The following GSTA2 variants were observed in gnomAD, a reference collection of about 807,000 sequenced individuals.
GSTA2 encodes the protein glutathione S-transferase A2.
A neutral mutation model predicts 22.4 loss-of-function variants in GSTA2; 27 were observed. The ratio of observed to expected loss-of-function variants is 1.21; its 90% CI spans 0.89 to 1.67. The LOEUF (loss-of-function observed/expected upper bound fraction) is 1.67. Ranked by LOEUF, GSTA2 falls within the 40% of genes most tolerant of loss-of-function variation. The pLI is 0.00. For synonymous variants in GSTA2, 121 were observed against 86.8 expected (o/e 1.39, Z -2.19); for missense variants, 302 against 260.2 (o/e 1.16, Z -1.11).
At position 52,755,058 on chromosome 6, in the gene GSTA2, G is replaced by A; in HGVS notation, c.157C>T (p.Gln53Ter). ...TCAATCTCAACCATTGGCACTTGCT[G>A]GAACATCAAATATCCATCTTTAAGA... ...KLRNDGYLMF[Q>*]QVPMVEIDGM... The change falls in exon 4 of 7, where the codon CAG (glutamine) becomes TAG (stop). Residue 53 changes from glutamine to a stop codon, truncating the protein, a stop_gained. Transcript: ENST00000493422. LOFTEE classifies it high-confidence loss of function. 1.2e-6 allele frequency: 2 copies of A among 1,613,968 alleles called. No homozygotes were observed. Among genetic ancestry groups the A allele is most frequent in the South Asian group, 1.1e-5 (1 of 91,060 alleles).
Position 52,757,700 on chromosome 6 carries a change from A to G in GSTA2, c.87+161T>C, listed in dbSNP as rs181424409. ...ATGCTTTTAGAGGAGAAGAAATTTTAAGAATTAATAGGTCAAATCTGTTCA... is the reference window on the plus strand; with the variant it reads ...ATGCTTTTAGAGGAGAAGAAATTTTGAGAATTAATAGGTCAAATCTGTTCA... On this transcript the variant is annotated intron_variant, in intron 2 of 6. Coordinates refer to ENST00000493422, the MANE Select transcript of GSTA2 (RefSeq NM_000846.5). Among the ~76,000 whole-genome samples the G allele has an allele frequency of 9.1e-3, 1,389 of 152,348 alleles. 13 individuals carry two copies. The highest frequency in any genetic ancestry group is 0.017 in the Middle Eastern group (5 of 294).
intron 1 of GSTA2, among the ~76,000 whole-genome samples, chr6:52,762,123 C>T (rs1223619419): frequency 2.0e-5 from 3 of 148,666 alleles, no homozygotes; most frequent in Admixed American, 1.3e-4. Context: ...CAAAACACTG[C>T]GGAAGGCCGC....
rs1224489847 is a variant in GSTA2, at chr6:52,752,956, T to C, written c.312A>G (p.Glu104=). 6.2e-7 allele frequency: 1 copy of C among 1,613,714 alleles called. No homozygotes were observed. The highest frequency in any genetic ancestry group is 1.7e-5 in the Admixed American group (1 of 60,014). ...MYIEGIADLG[E]MILLLPFSQP... is the part of the protein sequence containing the mutation. The stretch of plus-strand genomic sequence containing the variant: ...GACTAAAGGGCAGAAGAAGGATCAT[T>C]TCACCCAAATCTGCTATACCTTCTA... The change falls in exon 5 of 7, where the codon GAA becomes GAG. Residue 104 remains glutamate (E), a synonymous_variant. Transcript: ENST00000493422.
At chr6:52,754,876 C>T (rs1412749332) in intron 4 of GSTA2, 67 bp downstream of exon 4, 5 of 1,604,750 alleles carry the variant, frequency 3.1e-6, no homozygotes, top group East Asian at 4.5e-5. Context: ...ATGGTCCCAC[C>T]CACTCAAGGA....
intron 6 of GSTA2, 106 bp downstream of exon 6, chr6:52,751,471 C>T (rs1288111109): frequency 6.3e-7 from 1 of 1,596,126 alleles, no homozygotes; most frequent in Non-Finnish European, 8.6e-7. Context: ...GCACCAAAGG[C>T]CTGGAGAAGG....
chr6:52,763,066 T>C (rs905531754), intron 1 of GSTA2, among the ~76,000 whole-genome samples: 3 of 152,210 alleles, frequency 2.0e-5, no homozygotes, highest in Non-Finnish European at 4.4e-5. Context: ...AGAATTACAG[T>C]GTCACAATTT....
rs528106754 is a variant in GSTA2 at position 52,760,893 on chromosome 6, A to T, written c.-31+2551T>A. On this transcript the variant is annotated intron_variant, in intron 1 of 6. Transcript: ENST00000493422. ...ACTAGTGTAATTACTTTACATCAAT[A>T]ATTAATTTACATCAATTAAAAAATG... Among the ~76,000 whole-genome samples the T allele has an allele frequency of 4.6e-5, 7 of 152,274 alleles. No individual in the cohort carries two copies. The East Asian group carries it at 1.3e-3, about 29-fold the overall frequency.
At chr6:52,760,167 CTTGT>C (rs777456890) in intron 1 of GSTA2, among the ~76,000 whole-genome samples, 1 of 152,160 alleles carries the variant, frequency 6.6e-6, no homozygotes, top group Non-Finnish European at 1.5e-5. Context: ...GTAGGGTGTG[CTTGT>C]TTAATTGTTA....
chr6:52,759,588 T>G (rs1287129446), intron 1 of GSTA2, among the ~76,000 whole-genome samples: 1 of 127,932 alleles, frequency 7.8e-6, no homozygotes, highest in African/African-American at 3.2e-5. Flanking sequence ...TTTTTTTTTT[T>G]TTTTTTTTTT....
At chr6:52,758,537 A>C (rs1216424526) in intron 1 of GSTA2, among the ~76,000 whole-genome samples, 5 of 152,176 alleles carry the variant, frequency 3.3e-5, no homozygotes, top group African/African-American at 1.2e-4. Flanking sequence ...GAACCCATGA[A>C]CTGGCCATGA....
chr6:52,751,456 T>G (rs1324073777), intron 6 of GSTA2, 121 bp downstream of exon 6: 3 of 1,585,768 alleles, frequency 1.9e-6, no homozygotes, highest in Middle Eastern at 1.7e-4. Flanking sequence ...TTTGGAGACC[T>G]TGGGGCACCA....
At chr6:52,762,931 C>T (rs1417576301) in intron 1 of GSTA2, among the ~76,000 whole-genome samples, 43 of 152,188 alleles carry the variant, frequency 2.8e-4, no homozygotes, top group Non-Finnish European at 1.5e-5. Context: ...ACTCCAGAGA[C>T]AGAATATGAC....
intron 3 of GSTA2, among the ~76,000 whole-genome samples, chr6:52,755,593 T>C (rs1318067837): frequency 6.6e-6 from 1 of 152,218 alleles, no homozygotes; most frequent in Non-Finnish European, 1.5e-5. Context: ...TTATTTCATA[T>C]ATGTTTTTGT....
At position 52,759,584 on chromosome 6, in the gene GSTA2, T is replaced by G. The variant is rs866420852; in HGVS notation, c.-30-1607A>C. Among the ~76,000 whole-genome samples the G allele has an allele frequency of 2.9e-3, 355 of 124,338 alleles. 5 individuals are homozygous for G. In the East Asian group the frequency reaches 0.034, roughly 12 times the overall value. The allele number at this position is 124,338 out of a possible 152,430, so 81.6% of individuals were successfully genotyped here. On this transcript the variant is annotated intron_variant, in intron 1 of 6. Transcript: ENST00000493422. ...ATTTGTTTTTTTTTTTTTTTTTTTT[T>G]TTTTTTTTTTTTTTTTTGAGACAGA... is the stretch of plus-strand genomic sequence containing the variant.
chr6:52,759,967 A>G (rs1430662572), intron 1 of GSTA2, among the ~76,000 whole-genome samples: 1 of 152,186 alleles, frequency 6.6e-6, no homozygotes, highest in Non-Finnish European at 1.5e-5. Flanking sequence ...AAAATATGGG[A>G]GTCAATAGTT....
chr6:52,754,529 C>T, intron 4 of GSTA2, among the ~76,000 whole-genome samples: 1 of 152,076 alleles, frequency 6.6e-6, no homozygotes, highest in East Asian at 1.9e-4. Flanking sequence ...ATTACTGGGA[C>T]CTTAGACTTG....
chr6:52,755,215 C>CAT, intron 3 of GSTA2, 140 bp from the exon 4 acceptor site: 4 of 709,038 alleles, frequency 5.6e-6, no homozygotes, highest in Non-Finnish European at 8.6e-6. Flanking sequence ...CTTGAAACAA[C>CAT]TTTTTTTTTT....
At position 52,753,045 on chromosome 6, in the gene GSTA2, T is replaced by G. The variant is rs1032910778; in HGVS notation, c.273-50A>C. 12 of 1,531,408 alleles carry G rather than the reference T, an allele frequency of 7.8e-6. No individual in the cohort carries two copies. The African/African-American group carries it at 1.2e-4, about 16-fold the overall frequency. 94.9% of individuals were successfully genotyped at this position (1,531,408 alleles called of 1,614,324 possible). A position where few individuals can be genotyped will look rare whatever the true frequency, so the allele number is the denominator to read the frequency against. On this transcript the variant is annotated intron_variant, in intron 4 of 6. Transcript: ENST00000493422. Reference sequence around the variant, plus strand: ...GTCAAATATCTTTTGCCTTAGATTTTATAGGTTTATAAAAACCTAAGAGAG... The same window carrying G: ...GTCAAATATCTTTTGCCTTAGATTTGATAGGTTTATAAAAACCTAAGAGAG...
In GSTA2 at chr6:52,750,254, G is replaced by A. The variant is rs553880946; in HGVS notation, c.*323C>T. On this transcript the variant is annotated 3_prime_UTR_variant, in exon 7 of 7. Coordinates refer to ENST00000493422, the MANE Select transcript of GSTA2 (RefSeq NM_000846.5). ...ACATTGGCATTTTAATAGATTGTAT[G>A]ACAAATTGTATGTTACAGGGCAATT... 96 of 214,902 alleles carry A rather than the reference G, an allele frequency of 4.5e-4. No homozygotes were observed. Among genetic ancestry groups the A allele is most frequent in the African/African-American group, 2.0e-3 (87 of 42,864 alleles). 13.3% of individuals were successfully genotyped at this position (214,902 alleles called of 1,614,324 possible).
Sources: allele counts gnomAD v4.1 joint callset (sites outside exome capture counted in the v4.1 genomes callset), GRCh38; gene constraint gnomAD v4.1.1; transcripts MANE v1.5; gene names NCBI Gene and HGNC (gene_info 2026-07-23, HGNC 2026-07-21).